The following NLN variants were observed in gnomAD, a reference collection of about 807,000 sequenced individuals.
NLN encodes neurolysin.
Under a neutral mutation model 79.9 loss-of-function variants are expected in NLN, and 64 were observed. That is an observed-to-expected ratio of 0.80 (90% CI 0.65 to 0.99). NLN has a LOEUF of 0.99. NLN is among the 50% of genes least tolerant of loss of function. The pLI is 0.00. For missense variants in NLN, 835 were observed against 858.7 expected (o/e 0.97, Z 0.34); for synonymous variants, 267 against 296.6 (o/e 0.90, Z 1.02).
At chr5:65,769,289 T>A (rs1759518024) in intron 3 of NLN, among the ~76,000 whole-genome samples, 1 of 152,186 alleles carries the variant, frequency 6.6e-6, no homozygotes. Context: ...GGATGGTTAA[T>A]GGGAACCAAA....
At chr5:65,787,382 C>T (rs115405396) in intron 7 of NLN, among the ~76,000 whole-genome samples, 6,386 of 152,186 alleles carry the variant, frequency 0.042, 176 homozygotes, top group Non-Finnish European at 0.063. Flanking sequence ...CTTCTCTTCA[C>T]GGTATTCCTC....
At chr5:65,746,138 A>G (rs1367309392) in intron 1 of NLN, among the ~76,000 whole-genome samples, 2 of 152,104 alleles carry the variant, frequency 1.3e-5, no homozygotes, top group African/African-American at 2.4e-5. Context: ...TGGAACAGGC[A>G]TGGTGTGCAA....
intron 9 of NLN, among the ~76,000 whole-genome samples, chr5:65,797,007 T>G (rs546729872): frequency 6.6e-6 from 1 of 152,252 alleles, no homozygotes; most frequent in East Asian, 1.9e-4. Flanking sequence ...GTAGATGCAC[T>G]AGTTCAATAT....
chr5:65,790,559 A>G (rs1760034951), intron 8 of NLN, among the ~76,000 whole-genome samples: 1 of 152,168 alleles, frequency 6.6e-6, no homozygotes. Flanking sequence ...CTCTTGTGAG[A>G]ACTCACTCAC....
chr5:65,802,535 G>A (rs1760308751), intron 9 of NLN, among the ~76,000 whole-genome samples: 1 of 152,200 alleles, frequency 6.6e-6, no homozygotes, highest in Admixed American at 6.5e-5. Flanking sequence ...TCTCCTTGTT[G>A]CCCACAGCAT....
chr5:65,819,026 A>G (rs1760734911), intron 12 of NLN: 1 of 152,194 alleles, frequency 6.6e-6, no homozygotes. Flanking sequence ...AAGGGTGCAT[A>G]TTATTGAGCA....
chr5:65,764,171 A>G (rs1001313588), intron 3 of NLN, among the ~76,000 whole-genome samples: 1 of 152,078 alleles, frequency 6.6e-6, no homozygotes, highest in African/African-American at 2.4e-5. Context: ...TCCTTTGATT[A>G]ATCCTATTTT....
At chr5:65,805,360 CCAGT>C (rs1760389762) in intron 9 of NLN, among the ~76,000 whole-genome samples, 1 of 152,194 alleles carries the variant, frequency 6.6e-6, no homozygotes, top group Non-Finnish European at 1.5e-5. Context: ...GCCTCTTGTG[CCAGT>C]CAGTCAAGTT....
Position 65,762,066 on chromosome 5 carries a change from G to T in NLN, c.302-894G>T, listed in dbSNP as rs567585796. Among the ~76,000 whole-genome samples the T allele has an allele frequency of 1.2e-4, 19 of 152,204 alleles. 1 individual carries two copies. In the South Asian group the frequency reaches 3.9e-3, roughly 32 times the overall value. ...CATCAGAGATTTTTACCCAATTAAA[G>T]TTAAAATACAAATTGATGAAAAACC... On this transcript the variant is annotated intron_variant, in intron 2 of 12. Transcript: ENST00000380985.
chr5:65,796,925 C>T (rs1236497130), intron 9 of NLN, among the ~76,000 whole-genome samples: 1 of 152,202 alleles, frequency 6.6e-6, no homozygotes, highest in Non-Finnish European at 1.5e-5. Context: ...GGTTTCATGA[C>T]TAGAAGGGCT....
At chr5:65,818,582 T>C (rs1005727111) in intron 12 of NLN, 1 of 152,296 alleles carries the variant, frequency 6.6e-6, no homozygotes, top group African/African-American at 2.4e-5. Context: ...CCCTCCTTTG[T>C]TGTTGTCAAA....
intron 8 of NLN, 46 bp downstream of exon 8, chr5:65,788,530 T>C (rs773076953): frequency 5.7e-6 from 9 of 1,574,830 alleles, no homozygotes; most frequent in Non-Finnish European, 6.9e-6. Context: ...GATTCAGCTA[T>C]GCCTACTTTA....
chr5:65,729,883 G>A (rs2561212), intron 1 of NLN, among the ~76,000 whole-genome samples: 35,966 of 152,078 alleles, frequency 0.24, 4,378 homozygotes, highest in African/African-American at 0.27. Flanking sequence ...CTGCCGCATT[G>A]CAAAGTGCAT....
At chr5:65,738,941 T>TATA (rs1417203297) in intron 1 of NLN, among the ~76,000 whole-genome samples, 12 of 113,014 alleles carry the variant, frequency 1.1e-4, no homozygotes, top group South Asian at 2.5e-4. Context: ...TATATATTTT[T>TATA]TATATATGTT....
At chr5:65,819,005 A>T (rs888230041) in intron 12 of NLN, 4 of 152,216 alleles carry the variant, frequency 2.6e-5, no homozygotes, top group African/African-American at 9.6e-5. Flanking sequence ...TGCTATTAAA[A>T]TATTACCTGA....
At chr5:65,789,725 G>A (rs1760014245) in intron 8 of NLN, among the ~76,000 whole-genome samples, 3 of 152,208 alleles carry the variant, frequency 2.0e-5, no homozygotes, top group Admixed American at 6.5e-5. Flanking sequence ...TCCAGCCAGG[G>A]CGACAGAGCA....
intron 1 of NLN, among the ~76,000 whole-genome samples, chr5:65,741,449 C>G (rs1758867315): frequency 6.6e-6 from 1 of 152,068 alleles, no homozygotes; most frequent in Non-Finnish European, 1.5e-5. Flanking sequence ...TAACAAGAAG[C>G]ATACTAGCTA....
intron 3 of NLN, among the ~76,000 whole-genome samples, chr5:65,770,391 C>T (rs763838328): frequency 2.0e-5 from 3 of 152,018 alleles, no homozygotes; most frequent in African/African-American, 7.3e-5. Context: ...TCAACAGAAA[C>T]GCACATAGCA....
At chr5:65,752,974 A>T (rs140134740) in intron 1 of NLN, among the ~76,000 whole-genome samples, 1 of 152,184 alleles carries the variant, frequency 6.6e-6, no homozygotes, top group East Asian at 1.9e-4. Flanking sequence ...TTCCAGGTTC[A>T]GGGAATAGTA....
Sources: allele counts gnomAD v4.1 joint callset (sites outside exome capture counted in the v4.1 genomes callset), GRCh38; gene constraint gnomAD v4.1.1; transcripts MANE v1.5; gene names NCBI Gene and HGNC (gene_info 2026-07-23, HGNC 2026-07-21).